The following FAM228B variants were observed in gnomAD, a reference collection of about 807,000 sequenced individuals.
FAM228B encodes family with sequence similarity 228 member B.
FAM228B carries 38 observed loss-of-function variants against 42.6 expected under a neutral mutation model. The observed-to-expected ratio is 0.89, with a 90% CI of 0.69 to 1.17. The LOEUF is 1.17. Ranked by LOEUF, FAM228B falls within the 50% of genes most tolerant of loss-of-function variation. The pLI is 0.00. For synonymous variants in FAM228B, 109 were observed against 122.3 expected (o/e 0.89, Z 0.72); for missense variants, 344 against 367.3 (o/e 0.94, Z 0.52).
At position 24,162,904 on chromosome 2, in the gene FAM228B, G is replaced by C. The variant is rs552375389; in HGVS notation, c.794+1291G>C. The stretch of plus-strand genomic sequence containing the variant: ...TAAAGACAGAAGGTAGATAGTAGTT[G>C]CTTAGGGCTGGGGATGGGAGTGGAG... On this transcript the variant is annotated intron_variant, in intron 8 of 10. Transcript: ENST00000615575. Among the ~76,000 whole-genome samples, 3 of 152,230 alleles carry C rather than the reference G, an allele frequency of 2.0e-5. No individual in the cohort carries two copies. The South Asian group carries it at 6.2e-4, about 32-fold the overall frequency.
intron 2 of FAM228B, among the ~76,000 whole-genome samples, chr2:24,088,111 C>T (rs1433162513): frequency 6.6e-6 from 1 of 151,970 alleles, no homozygotes; most frequent in Non-Finnish European, 1.5e-5. Flanking sequence ...CTCCTTACCT[C>T]AGGTTATCCA....
chr2:24,139,283 CTA>C (rs1666690835), intron 4 of FAM228B, 85 bp from the exon 5 acceptor site: 1 of 648,348 alleles, frequency 1.5e-6, no homozygotes, highest in African/African-American at 1.9e-5. Flanking sequence ...AAGAATGATA[CTA>C]TGTGTTTGAC....
chr2:24,147,187 TTTTTC>T, intron 7 of FAM228B, 101 bp downstream of exon 7: 1 of 839,920 alleles, frequency 1.2e-6, no homozygotes. Flanking sequence ...AAAATTATCA[TTTTTC>T]TTTTTTTTTG....
intron 2 of FAM228B, among the ~76,000 whole-genome samples, chr2:24,093,191 T>C (rs1482272867): frequency 2.0e-5 from 3 of 152,196 alleles, no homozygotes; most frequent in Admixed American, 2.0e-4. Context: ...GGTGCAGGTT[T>C]GTTACGTAGG....
chr2:24,119,827 A>G (rs1387230110), upstream of FAM228B: 1 of 598,374 alleles, frequency 1.7e-6, no homozygotes, highest in Admixed American at 3.3e-5. Context: ...TATATTTTCC[A>G]TATGTTTATA....
chr2:24,107,167 TA>T (rs1361297893), intron 3 of FAM228B, among the ~76,000 whole-genome samples: 1 of 151,758 alleles, frequency 6.6e-6, no homozygotes, highest in Admixed American at 6.6e-5. Context: ...CTAACAAAGA[TA>T]AAAAAAGATA....
At chr2:24,106,316 CTTTTTTTTT>C (rs386389714) in intron 3 of FAM228B, among the ~76,000 whole-genome samples, 2 of 106,394 alleles carry the variant, frequency 1.9e-5, no homozygotes, top group Admixed American at 1.0e-4. Flanking sequence ...ATTCAGCATT[CTTTTTTTTT>C]TTTTTTTTTT....
At chr2:24,081,112 T>C in intron 2 of FAM228B, 2 of 1,082,374 alleles carry the variant, frequency 1.8e-6, no homozygotes, top group Non-Finnish European at 2.4e-6. Flanking sequence ...CAAGATCACC[T>C]GGCCGTTGCA....
At position 24,157,703 on chromosome 2, in the gene FAM228B, A is replaced by G. The variant is rs534024433; in HGVS notation, c.687-3803A>G. Among the ~76,000 whole-genome samples, 23 of 150,932 alleles carry G rather than the reference A, an allele frequency of 1.5e-4. No individual in the cohort carries two copies. In the East Asian group the frequency reaches 4.3e-3, roughly 28 times the overall value. On this transcript the variant is annotated intron_variant, in intron 7 of 10. Coordinates refer to ENST00000615575, the MANE Select transcript of FAM228B (RefSeq NM_001145710.2). ...CAGTGAGCCGAGATCACACCACTGC[A>G]CTCCAGCCTGGGTAACAGAGTGAGA...
chr2:24,147,607 T>C (rs1302730858), intron 7 of FAM228B, among the ~76,000 whole-genome samples: 1 of 152,148 alleles, frequency 6.6e-6, no homozygotes, highest in Non-Finnish European at 1.5e-5. Context: ...TGTTTTTCAG[T>C]TGGATGATTT....
chr2:24,169,488 C>T lies in FAM228B; in HGVS notation c.*147C>T. The T allele has an allele frequency of 9.4e-6, 3 of 318,666 alleles. No individual in the cohort carries two copies. Among genetic ancestry groups the T allele is most frequent in the Non-Finnish European group, 1.5e-5 (2 of 135,874 alleles). 19.7% of individuals were successfully genotyped at this position (318,666 alleles called of 1,614,324 possible). On this transcript the variant is annotated 3_prime_UTR_variant, in exon 11 of 11. Coordinates refer to ENST00000615575, the MANE Select transcript of FAM228B (RefSeq NM_001145710.2). This position sits in a 1 kb window ranked among gnomAD's most constrained non-coding sequence, Gnocchi z 4.2. The stretch of plus-strand genomic sequence containing the variant: ...CCAAGGACGGCACTCAAGAATTGTC[C>T]TGTCTCTAAAAAAAAAGCATCTGCA...
chr2:24,084,396 C>T lies in FAM228B; in HGVS notation c.-210+3441C>T, dbSNP rs1665167586. On this transcript the variant is annotated intron_variant, in intron 2 of 10. Coordinates refer to the FAM228B transcript ENST00000613899. The surrounding 1 kb of genome is among the most constrained non-coding windows in gnomAD (Gnocchi z 8.4). ...CAGGGCAGGGCAGGACAGGACAGGG[C>T]AGGGCAGGACAGGACAGGGCAGGGG... 1.4e-6 allele frequency: 2 copies of T among 1,435,204 alleles called. No homozygotes were observed. Among genetic ancestry groups the T allele is most frequent in the African/African-American group, 1.4e-5 (1 of 71,180 alleles). The allele number at this position is 1,435,204 out of a possible 1,614,324, so 88.9% of individuals were successfully genotyped here.
chr2:24,092,660 A>G (rs1183135946), intron 2 of FAM228B, among the ~76,000 whole-genome samples: 1 of 152,194 alleles, frequency 6.6e-6, no homozygotes, highest in Admixed American at 6.5e-5. Flanking sequence ...TGTCCTGTAG[A>G]AATAAAACAC....
intron 9 of FAM228B, chr2:24,165,816 C>T (rs563070089): frequency 1.9e-4 from 39 of 201,262 alleles, no homozygotes; most frequent in African/African-American, 6.4e-4. Flanking sequence ...CCGAGGTGGG[C>T]AGATCACCTG....
At chr2:24,134,974 C>A in intron 2 of FAM228B, 145 bp from the exon 3 acceptor site, 1 of 592,794 alleles carries the variant, frequency 1.7e-6, no homozygotes, top group Non-Finnish European at 3.0e-6. Context: ...CAAAAAAAAG[C>A]ACTCGATGAT....
Position 24,084,095 on chromosome 2 carries a change from T to G in FAM228B, c.-210+3140T>G, listed in dbSNP as rs1030878845. On this transcript the variant is annotated intron_variant, in intron 2 of 10. Transcript: ENST00000613899. The surrounding 1 kb of genome is among the most constrained non-coding windows in gnomAD (Gnocchi z 8.4). The stretch of plus-strand genomic sequence containing the variant: ...CAGCTGCCTGCTGGGTGTGGAGCGG[T>G]GCACGCCTTCACGTCTGGTCAATGT... 12 of 1,486,720 alleles carry G rather than the reference T, an allele frequency of 8.1e-6. No individual in the cohort carries two copies. In the East Asian group the frequency reaches 2.9e-4, roughly 35 times the overall value. 92.1% of individuals were successfully genotyped at this position (1,486,720 alleles called of 1,614,324 possible).
intron 5 of FAM228B, among the ~76,000 whole-genome samples, chr2:24,140,308 C>T (rs1410931569): frequency 6.6e-6 from 1 of 152,156 alleles, no homozygotes; most frequent in Non-Finnish European, 1.5e-5. Flanking sequence ...TCCTGAGTAG[C>T]TGTGATTACA....
chr2:24,151,978 C>T (rs551287165), intron 7 of FAM228B, among the ~76,000 whole-genome samples: 1 of 152,110 alleles, frequency 6.6e-6, no homozygotes, highest in African/African-American at 2.4e-5. Flanking sequence ...AAGCAATTCT[C>T]CTGCCTCAGC....
At chr2:24,136,311 C>T (rs956476441) in intron 3 of FAM228B, among the ~76,000 whole-genome samples, 5 of 152,066 alleles carry the variant, frequency 3.3e-5, no homozygotes, top group African/African-American at 1.2e-4. Context: ...ACTGCAACTT[C>T]CACCTCCCGG....
Sources: gnomAD v4.1 joint callset for allele counts (sites outside exome capture counted in the v4.1 genomes callset) on GRCh38, gnomAD v4.1.1 for gene constraint, Gnocchi (gnomAD v3.1) non-coding constraint, MANE v1.5 for transcripts, NCBI Gene and HGNC (gene_info 2026-07-23, HGNC 2026-07-21) for gene names.